NR3C1: variants seen among roughly 807,000 people sequenced by gnomAD.
NR3C1 encodes the protein glucocorticoid receptor.
A neutral mutation model predicts 74.0 loss-of-function variants in NR3C1; 14 were observed. That is an observed-to-expected ratio of 0.19 (90% CI 0.12 to 0.30). The LOEUF (loss-of-function observed/expected upper bound fraction) is 0.30, where lower values mean the gene tolerates loss of function less well. Among genes scored for constraint, NR3C1 ranks in the 10% least tolerant of loss-of-function variants. The pLI is 1.00. For missense variants in NR3C1, 695 were observed against 909.8 expected (o/e 0.76, Z 3.04); for synonymous variants, 308 against 332.5 (o/e 0.93, Z 0.80).
chr5:143,363,781 A>C (rs1373209243), intron 2 of NR3C1, among the ~76,000 whole-genome samples: 1 of 152,156 alleles, frequency 6.6e-6, no homozygotes, highest in Non-Finnish European at 1.5e-5. Context: ...AATTCATCTC[A>C]CAGATGTCAC....
intron 2 of NR3C1, among the ~76,000 whole-genome samples, chr5:143,378,004 T>A (rs1457514583): frequency 6.6e-6 from 1 of 152,106 alleles, no homozygotes; most frequent in East Asian, 1.9e-4. Context: ...AATCCCAGCA[T>A]TTTGGAAGGC....
At chr5:143,386,069 G>T (rs932101977) in intron 2 of NR3C1, among the ~76,000 whole-genome samples, 6 of 152,198 alleles carry the variant, frequency 3.9e-5, no homozygotes, top group Non-Finnish European at 7.3e-5. Context: ...CACTCACAGT[G>T]GAAGGCAAAG....
At chr5:143,400,995 A>G in intron 1 of NR3C1, 143 bp from the exon 2 acceptor site, 1 of 722,290 alleles carries the variant, frequency 1.4e-6, no homozygotes, top group Non-Finnish European at 2.4e-6. Flanking sequence ...CCAGAAGAGT[A>G]GTTTCTATCT....
chr5:143,404,136 G>C, upstream of NR3C1: 2 of 985,424 alleles, frequency 2.0e-6, no homozygotes, highest in Non-Finnish European at 2.4e-6. Flanking sequence ...CAGTGCCCCT[G>C]CGGGTGACAG....
intron 2 of NR3C1, among the ~76,000 whole-genome samples, chr5:143,392,773 TACAGAC>T (rs1158749750): frequency 6.6e-6 from 1 of 152,168 alleles, no homozygotes; most frequent in Admixed American, 6.5e-5. Context: ...TAGAGAAGAA[TACAGAC>T]ACTGTATATT....
intron 4 of NR3C1, among the ~76,000 whole-genome samples, chr5:143,307,648 GAAATATAAAATAGGTAA>G (rs746623792): frequency 1.3e-5 from 2 of 152,032 alleles, no homozygotes; most frequent in Non-Finnish European, 2.9e-5. Context: ...AACCTATTTC[GAAATATAAAATAGGTAA>G]AATGAAAAAA....
At chr5:143,424,200 C>G (rs1158026754) in intron 1 of NR3C1, among the ~76,000 whole-genome samples, 2 of 135,088 alleles carry the variant, frequency 1.5e-5, no homozygotes, top group African/African-American at 2.6e-5. Flanking sequence ...TACCCTAAAA[C>G]TTATAGTATA....
intron 2 of NR3C1, among the ~76,000 whole-genome samples, chr5:143,320,451 A>G (rs1021154343): frequency 5.3e-5 from 8 of 152,206 alleles, no homozygotes; most frequent in Non-Finnish European, 8.8e-5. Context: ...TTAATAGATC[A>G]AGAGAATGTT....
At chr5:143,340,762 T>A in intron 2 of NR3C1, among the ~76,000 whole-genome samples, 3 of 152,140 alleles carry the variant, frequency 2.0e-5, no homozygotes, top group African/African-American at 7.2e-5. Context: ...GTTACAGACA[T>A]GGGCCACCAC....
chr5:143,285,055 CA>C (rs1360933915), intron 7 of NR3C1, among the ~76,000 whole-genome samples: 2 of 132,028 alleles, frequency 1.5e-5, no homozygotes, highest in African/African-American at 3.1e-5. Flanking sequence ...AGGAGGTACA[CA>C]AAGAAAGGCC....
intron 2 of NR3C1, among the ~76,000 whole-genome samples, chr5:143,343,265 C>A (rs918813023): frequency 8.5e-5 from 13 of 152,202 alleles, no homozygotes; most frequent in African/African-American, 3.1e-4. Flanking sequence ...CACAGGGTGA[C>A]AATCAACAGC....
chr5:143,432,134 C>A (rs903816125), intron 1 of NR3C1, among the ~76,000 whole-genome samples: 1 of 152,192 alleles, frequency 6.6e-6, no homozygotes, highest in African/African-American at 2.4e-5. Context: ...ACTAGAATAC[C>A]TGGGACTGGG....
In NR3C1 at chr5:143,424,228, AAAAAAT is replaced by A. The variant is rs1003311143; in HGVS notation, c.-14+10298_-14+10303del. The stretch of plus-strand genomic sequence containing the variant: ...ATAGTATAATAATAATAAATAAAAT[AAAAAAT>A]AAAAAAGAGGGGTGTTTAATGGATA... On this transcript the variant is annotated intron_variant, in intron 1 of 8. Coordinates refer to the NR3C1 transcript ENST00000343796. 8.5e-3 allele frequency among the ~76,000 whole-genome samples: 558 copies of A among 65,902 alleles called. 5 individuals carry two copies. Among genetic ancestry groups the A allele is most frequent in the African/African-American group, 0.061 (545 of 8,988 alleles). 43.2% of individuals were successfully genotyped at this position (65,902 alleles called of 152,430 possible).
Position 143,403,422 on chromosome 5 carries a change from C to A in NR3C1, c.-225G>T. ...TTGCCCAGCTGACAAGCCAGCCCTCCGCCCCGCGCCGGGCTCCGCGGGTCG... is the reference window on the plus strand; with the variant it reads ...TTGCCCAGCTGACAAGCCAGCCCTCAGCCCCGCGCCGGGCTCCGCGGGTCG... On this transcript the variant is annotated 5_prime_UTR_variant, in exon 1 of 9. Transcript: ENST00000394464. 2.1e-6 allele frequency: 2 copies of A among 975,150 alleles called. No homozygotes were observed. The highest frequency in any genetic ancestry group is 2.4e-6 in the Non-Finnish European group (2 of 826,880). 60.4% of individuals were successfully genotyped at this position (975,150 alleles called of 1,614,324 possible). A position where few individuals can be genotyped will look rare whatever the true frequency, so the allele number is the denominator to read the frequency against.
intron 1 of NR3C1, chr5:143,409,227 CTG>C (rs1212820196): frequency 6.6e-6 from 1 of 152,208 alleles, no homozygotes; most frequent in East Asian, 1.9e-4. Context: ...TGAGTAGTGT[CTG>C]TTACACGATT....
upstream of NR3C1, chr5:143,404,579 G>T (rs1840957291): frequency 3.1e-6 from 3 of 959,264 alleles, no homozygotes; most frequent in African/African-American, 5.5e-5. Context: ...GGCGCCGCCT[G>T]CCAAGTTCAA....
At chr5:143,282,497 A>G (rs1400184193) in intron 8 of NR3C1, 71 bp downstream of exon 8, 2 of 1,583,660 alleles carry the variant, frequency 1.3e-6, no homozygotes, top group Non-Finnish European at 1.7e-6. Flanking sequence ...CTGGTATATA[A>G]TTATATTCAC....
At chr5:143,307,921 T>C (rs1819989827) in intron 4 of NR3C1, among the ~76,000 whole-genome samples, 1 of 152,232 alleles carries the variant, frequency 6.6e-6, no homozygotes, top group Non-Finnish European at 1.5e-5. Flanking sequence ...ATTTTTTAGT[T>C]AATCTCTACA....
intron 2 of NR3C1, among the ~76,000 whole-genome samples, chr5:143,321,275 A>C (rs1823307970): frequency 6.6e-6 from 1 of 152,220 alleles, no homozygotes; most frequent in South Asian, 2.1e-4. Context: ...TAAATATTTT[A>C]TTCGATTCTT....
Sources: allele counts gnomAD v4.1 joint callset (sites outside exome capture counted in the v4.1 genomes callset), GRCh38; gene constraint gnomAD v4.1.1; transcripts MANE v1.5; gene names NCBI Gene and HGNC (gene_info 2026-07-23, HGNC 2026-07-21).